Variants in CTBP2 observed in about 807,000 individuals in gnomAD.
CTBP2 encodes the protein C-terminal binding protein 2.
In CTBP2, 30 loss-of-function variants were observed where a neutral mutation model predicts 80.3. The ratio of observed to expected loss-of-function variants is 0.37; its 90% CI spans 0.28 to 0.51. The LOEUF (loss-of-function observed/expected upper bound fraction) is 0.51. Ranked by LOEUF, CTBP2 falls within the 20% of genes least tolerant of loss-of-function variation. The pLI is 0.93. For missense variants in CTBP2, 1,212 were observed against 1,375.3 expected, an observed-to-expected ratio of 0.88 and a Z score of 1.88; for synonymous variants, 594 against 587.4, an observed-to-expected ratio of 1.01 and a Z score of -0.16.
chr10:125,161,008 A>G, upstream of CTBP2: 1 of 143,406 alleles, frequency 7.0e-6, no homozygotes, highest in Non-Finnish European at 1.5e-5. Flanking sequence ...CTGGCTGCGC[A>G]GGAGCTAGGC....
chr10:125,017,558 G>A (rs892694920), intron 1 of CTBP2, among the ~76,000 whole-genome samples: 5 of 152,216 alleles, frequency 3.3e-5, no homozygotes, highest in Admixed American at 6.5e-5. Flanking sequence ...ACCCTTGTGT[G>A]TGTTACAGCT....
chr10:125,153,437 C>T (rs916981312), intron 1 of CTBP2, among the ~76,000 whole-genome samples: 1 of 152,194 alleles, frequency 6.6e-6, no homozygotes, highest in African/African-American at 2.4e-5. Flanking sequence ...CTAGACTGCA[C>T]GAAAGACCAT....
chr10:125,109,556 C>T (rs1474910936), intron 2 of CTBP2, among the ~76,000 whole-genome samples: 2 of 152,230 alleles, frequency 1.3e-5, no homozygotes, highest in Non-Finnish European at 2.9e-5. Context: ...TGACCTCCCT[C>T]AGGTTTCCAC....
intron 2 of CTBP2, among the ~76,000 whole-genome samples, chr10:125,093,487 C>A (rs1849088199): frequency 6.6e-6 from 1 of 152,204 alleles, no homozygotes; most frequent in Non-Finnish European, 1.5e-5. Context: ...TATGATACAC[C>A]TCCCACCCAC....
intron 1 of CTBP2, among the ~76,000 whole-genome samples, chr10:125,134,423 T>TG (rs940728716): frequency 1.3e-5 from 2 of 152,260 alleles, no homozygotes; most frequent in East Asian, 3.9e-4. Flanking sequence ...GACCGCCTGG[T>TG]GGGGAATTCA....
intron 1 of CTBP2, among the ~76,000 whole-genome samples, chr10:125,111,562 C>A (rs773754148): frequency 6.6e-5 from 10 of 152,230 alleles, no homozygotes; most frequent in Non-Finnish European, 1.3e-4. Context: ...CTCTGATTAA[C>A]GGTTGCAGTT....
At chr10:124,997,693 G>A (rs1012771809) in intron 4 of CTBP2, 3 of 521,176 alleles carry the variant, frequency 5.8e-6, no homozygotes, top group Non-Finnish European at 1.0e-5. Context: ...CGCCTTGCCC[G>A]CTGCCCCACA....
intron 1 of CTBP2, among the ~76,000 whole-genome samples, chr10:125,152,870 C>G (rs965133630): frequency 1.3e-5 from 2 of 152,116 alleles, no homozygotes; most frequent in African/African-American, 4.8e-5. Flanking sequence ...ATCCAGAGTG[C>G]GGACCACAGC....
chr10:125,128,713 G>C (rs1433095889), intron 1 of CTBP2, among the ~76,000 whole-genome samples: 1 of 152,188 alleles, frequency 6.6e-6, no homozygotes, highest in Non-Finnish European at 1.5e-5. Flanking sequence ...TTCCATACAT[G>C]ATCAGTGGAA....
At chr10:124,996,289 C>G (rs1215253978) in intron 4 of CTBP2, 1 of 152,046 alleles carries the variant, frequency 6.6e-6, no homozygotes, top group African/African-American at 2.4e-5. Context: ...AGGCTGCCCT[C>G]TCTTGGCGGC....
intron 1 of CTBP2, among the ~76,000 whole-genome samples, chr10:125,117,191 C>T (rs567877952): frequency 1.1e-4 from 16 of 152,338 alleles, no homozygotes; most frequent in South Asian, 2.1e-4. Flanking sequence ...GCAGTGAGGA[C>T]GCGCAGTACA....
chr10:125,051,747 T>C (rs933236333), intron 2 of CTBP2, among the ~76,000 whole-genome samples: 14 of 152,092 alleles, frequency 9.2e-5, no homozygotes, highest in African/African-American at 3.4e-4. Context: ...CCCCTAATTA[T>C]GTTAAAGTTC....
At position 125,120,578 on chromosome 10, in the gene CTBP2, G is replaced by C. The variant is rs151089006; in HGVS notation, c.-205-9485C>G. Reference sequence around the variant, plus strand: ...ATTTTTCTATTTTCTGCAGAGACAGGGTTTCGCCACGTTGGCCAGGCTGCT... The same window carrying C: ...ATTTTTCTATTTTCTGCAGAGACAGCGTTTCGCCACGTTGGCCAGGCTGCT... On this transcript the variant is annotated intron_variant, in intron 1 of 10. Coordinates refer to the CTBP2 transcript ENST00000337195. 9.9e-3 allele frequency among the ~76,000 whole-genome samples: 1,500 copies of C among 152,244 alleles called. 22 individuals are homozygous for C. Among genetic ancestry groups the C allele is most frequent in the African/African-American group, 0.034 (1,395 of 41,530 alleles).
At chr10:125,042,824 G>A (rs1960222707) in intron 2 of CTBP2, among the ~76,000 whole-genome samples, 1 of 152,186 alleles carries the variant, frequency 6.6e-6, no homozygotes, top group Non-Finnish European at 1.5e-5. Context: ...CCTCAGTGAA[G>A]GTCAAGGTCA....
At chr10:125,021,294 A>G (rs1303170807) in intron 1 of CTBP2, among the ~76,000 whole-genome samples, 3 of 152,112 alleles carry the variant, frequency 2.0e-5, no homozygotes, top group Admixed American at 1.3e-4. Flanking sequence ...CAGGTTCAAG[A>G]CCTACCCCCT....
chr10:125,008,289 G>C (rs940394539), intron 1 of CTBP2, among the ~76,000 whole-genome samples: 6 of 152,202 alleles, frequency 3.9e-5, no homozygotes, highest in African/African-American at 1.4e-4. Flanking sequence ...TTTTATGGAA[G>C]TTTCCTGACA....
intron 3 of CTBP2, among the ~76,000 whole-genome samples, chr10:125,038,476 C>T (rs1959114165): frequency 6.6e-6 from 1 of 152,036 alleles, no homozygotes; most frequent in South Asian, 2.1e-4. Flanking sequence ...GAGTTTTGTC[C>T]CCAGGTTTCC....
intron 2 of CTBP2, among the ~76,000 whole-genome samples, chr10:125,110,711 A>G (rs1852162510): frequency 6.6e-6 from 1 of 152,218 alleles, no homozygotes; most frequent in Non-Finnish European, 1.5e-5. Context: ...CTTGTAGCAT[A>G]ATTTCCGTTG....
upstream of CTBP2, among the ~76,000 whole-genome samples, chr10:125,031,912 T>A (rs1439712521): frequency 6.6e-6 from 1 of 152,174 alleles, no homozygotes; most frequent in Non-Finnish European, 1.5e-5. Flanking sequence ...GAAGCCCCAG[T>A]CCTCATGTCT....
Sources: gnomAD v4.1 joint callset for allele counts (sites outside exome capture counted in the v4.1 genomes callset) on GRCh38, gnomAD v4.1.1 for gene constraint, MANE v1.5 for transcripts, NCBI Gene and HGNC (gene_info 2026-07-23, HGNC 2026-07-21) for gene names.